The following DMD variants were observed in gnomAD, a reference collection of about 807,000 sequenced individuals.
DMD encodes the protein mutant dystrophin.
In DMD, 63 loss-of-function variants were observed where a neutral mutation model predicts 330.1. The observed-to-expected ratio is 0.19, with a 90% CI of 0.16 to 0.24. The LOEUF (loss-of-function observed/expected upper bound fraction) is 0.24, where lower values mean the gene tolerates loss of function less well. DMD is among the 10% of genes least tolerant of loss of function. DMD has a pLI of 1.00. For missense variants in DMD, 3,344 were observed against 2,684.1 expected (o/e 1.25, Z -5.43); for synonymous variants, 1,223 against 959.8 (o/e 1.27, Z -5.07).
chrX:31,157,058 C>T (rs2038221058), intron 74 of DMD, among the ~76,000 whole-genome samples: 1 of 111,600 alleles, frequency 9.0e-6, no homozygotes, highest in South Asian at 3.8e-4. Flanking sequence ...TGATTTGACC[C>T]AATACGCTAG....
chrX:32,023,535 G>T (rs1299471374), intron 44 of DMD, among the ~76,000 whole-genome samples: 2 of 111,835 alleles, frequency 1.8e-5, no homozygotes, highest in Non-Finnish European at 3.8e-5. Context: ...AATGTTAAAG[G>T]AAGAGAATGG....
intron 1 of DMD, among the ~76,000 whole-genome samples, chrX:33,069,431 C>T (rs2094712673): frequency 9.0e-6 from 1 of 111,731 alleles, no homozygotes; most frequent in Admixed American, 9.6e-5. Context: ...AATTTACATA[C>T]TATTCCTAGT....
chrX:33,048,469 C>T (rs1365037730), intron 1 of DMD, among the ~76,000 whole-genome samples: 1 of 109,695 alleles, frequency 9.1e-6, no homozygotes, highest in Non-Finnish European at 1.9e-5. Flanking sequence ...GCGGGTGGAT[C>T]ACCTGAGGTC....
At chrX:33,002,873 A>AAAGAAG (rs1480618100) in intron 2 of DMD, among the ~76,000 whole-genome samples, 2 of 85,182 alleles carry the variant, frequency 2.3e-5, no homozygotes, top group African/African-American at 9.0e-5. Flanking sequence ...AAAAAAAAAA[A>AAAGAAG]AAGAAGAAGA....
intron 7 of DMD, among the ~76,000 whole-genome samples, chrX:32,721,342 C>G (rs989780014): frequency 9.1e-6 from 1 of 109,947 alleles, no homozygotes; most frequent in African/African-American, 3.3e-5. Context: ...GTCAGGGTTC[C>G]CTTTCCTCCT....
intron 9 of DMD, among the ~76,000 whole-genome samples, chrX:32,689,576 A>T (rs1414597913): frequency 9.0e-6 from 1 of 111,346 alleles, no homozygotes; most frequent in Admixed American, 9.6e-5. Context: ...TAAGGTCAGC[A>T]TTACCAAAGC....
In DMD at chrX:32,914,884, C is replaced by T. The variant is rs189042505; in HGVS notation, c.94-65064G>A. Among the ~76,000 whole-genome samples, 7 of 111,582 alleles carry T rather than the reference C, an allele frequency of 6.3e-5. No homozygotes were observed. The East Asian group carries it at 2.0e-3, about 31-fold the overall frequency. On this transcript the variant is annotated intron_variant, in intron 2 of 78. Transcript: ENST00000357033. The stretch of plus-strand genomic sequence containing the variant: ...GTTCTCACATATGTTCACAATAGCC[C>T]TATGACATATTTACTATTATTGTCC...
At chrX:32,542,526 G>A (rs1003676097) in intron 17 of DMD, among the ~76,000 whole-genome samples, 3 of 112,058 alleles carry the variant, frequency 2.7e-5, no homozygotes, top group Non-Finnish European at 3.8e-5. Flanking sequence ...GTAAAGAGTC[G>A]TGGGTGACAA....
At chrX:32,926,513 G>A (rs1210452842) in intron 2 of DMD, among the ~76,000 whole-genome samples, 3 of 111,225 alleles carry the variant, frequency 2.7e-5, no homozygotes, top group Non-Finnish European at 5.7e-5. Context: ...ACTTTGGGAG[G>A]CGGAAGCGGG....
At chrX:32,971,997 C>T (rs1436017506) in intron 2 of DMD, among the ~76,000 whole-genome samples, 1 of 111,087 alleles carries the variant, frequency 9.0e-6, no homozygotes, top group Non-Finnish European at 1.9e-5. Context: ...TAGACGTTAT[C>T]TATAGGGAAA....
chrX:32,670,857 C>T (rs1440491568), intron 9 of DMD, among the ~76,000 whole-genome samples: 1 of 111,490 alleles, frequency 9.0e-6, no homozygotes, highest in Non-Finnish European at 1.9e-5. Context: ...GAACACTGTA[C>T]TAATTTGAAC....
chrX:32,370,470 T>TAAC (rs2097871280), intron 34 of DMD, among the ~76,000 whole-genome samples: 1 of 111,435 alleles, frequency 9.0e-6, no homozygotes, highest in Admixed American at 9.6e-5. Flanking sequence ...ATTGACTTTT[T>TAAC]AATAACACTG....
intron 44 of DMD, among the ~76,000 whole-genome samples, chrX:31,977,429 G>A (rs1340298846): frequency 1.8e-5 from 2 of 110,832 alleles, no homozygotes; most frequent in African/African-American, 6.6e-5. Flanking sequence ...GAATGGGAAG[G>A]CCTAGAAATA....
At chrX:31,213,862 A>G (rs1018147282) in intron 64 of DMD, among the ~76,000 whole-genome samples, 4 of 112,370 alleles carry the variant, frequency 3.6e-5, no homozygotes, top group African/African-American at 1.3e-4. Context: ...GAAGATTCTG[A>G]TAAAAGGGAT....
chrX:33,275,966 A>G (rs2053228456), intron 1 of DMD, among the ~76,000 whole-genome samples: 1 of 111,816 alleles, frequency 8.9e-6, no homozygotes, highest in East Asian at 2.8e-4. Flanking sequence ...GTGTGACTAT[A>G]CAATTGTATG....
At chrX:32,429,338 T>A (rs1488817028) in intron 29 of DMD, among the ~76,000 whole-genome samples, 4 of 98,692 alleles carry the variant, frequency 4.1e-5, no homozygotes, top group Non-Finnish European at 8.1e-5. Flanking sequence ...GCCTCCCGAG[T>A]AGTTGGGATT....
At chrX:31,786,466 G>A (rs1164528892) in intron 50 of DMD, among the ~76,000 whole-genome samples, 1 of 111,170 alleles carries the variant, frequency 9.0e-6, no homozygotes, top group Non-Finnish European at 1.9e-5. Flanking sequence ...CAATGGTTCT[G>A]ATATATTAAG....
chrX:31,454,334 G>A (rs183051024), intron 59 of DMD, among the ~76,000 whole-genome samples: 120 of 111,424 alleles, frequency 1.1e-3, no homozygotes, highest in African/African-American at 3.7e-3. Flanking sequence ...TAGAGACTGG[G>A]TTTCACCTTG....
chrX:33,268,238 C>A (rs1247920965), intron 1 of DMD, among the ~76,000 whole-genome samples: 1 of 110,952 alleles, frequency 9.0e-6, no homozygotes, highest in Non-Finnish European at 1.9e-5. Flanking sequence ...AATCCACCCA[C>A]CTTGGTCTCC....
Sources: allele counts gnomAD v4.1 joint callset (sites outside exome capture counted in the v4.1 genomes callset), GRCh38; gene constraint gnomAD v4.1.1; transcripts MANE v1.5; gene names NCBI Gene and HGNC (gene_info 2026-07-23, HGNC 2026-07-21).